FIG4: variants seen among roughly 807,000 people sequenced by gnomAD.
FIG4 encodes the protein FIG4 phosphoinositide 5-phosphatase.
FIG4 carries 112 observed loss-of-function variants against 118.6 expected under a neutral mutation model. The ratio of observed to expected loss-of-function variants is 0.94; its 90% CI spans 0.81 to 1.11. FIG4 has a LOEUF of 1.11. Among genes scored for constraint, FIG4 ranks in the 50% least tolerant of loss-of-function variants. The pLI, the probability that FIG4 is intolerant of heterozygous loss-of-function variation, is 0.00. For missense variants in FIG4, 969 were observed against 1,111.7 expected (o/e 0.87, Z 1.83); for synonymous variants, 369 against 381.2 (o/e 0.97, Z 0.37).
intron 22 of FIG4, among the ~76,000 whole-genome samples, chr6:109,819,856 G>A (rs1015735572): frequency 6.6e-6 from 1 of 152,184 alleles, no homozygotes; most frequent in African/African-American, 2.4e-5. Flanking sequence ...CTCAACAGCT[G>A]TGTGAGGTAG....
rs769687105 is a variant in FIG4 at position 109,715,091 on chromosome 6, T to C, written c.80T>C (p.Val27Ala). 3.7e-5 allele frequency: 58 copies of C among 1,582,840 alleles called. No homozygotes were observed. Among genetic ancestry groups the C allele is most frequent in the Non-Finnish European group, 4.8e-5 (55 of 1,152,132 alleles). The stretch of plus-strand genomic sequence containing the variant: ...TTTTATTTATAGAGATACTTTCTAG[T>C]TGGGAGCAATAATGCAGAAACGAAA... ...LYETRARYFL[V>A]GSNNAETKYR... Residue 27 changes from valine (V) to alanine (A), a missense_variant, in exon 2 of 23, where the codon GTT becomes GCT. Transcript: ENST00000230124.
chr6:109,721,132 G>T (rs184026795), intron 3 of FIG4, among the ~76,000 whole-genome samples: 1 of 151,984 alleles, frequency 6.6e-6, no homozygotes, highest in African/African-American at 2.4e-5. Context: ...GTATCAATAC[G>T]GTACACTGTG....
intron 17 of FIG4, chr6:109,785,681 A>G (rs1465989696): frequency 2.1e-6 from 1 of 470,896 alleles, no homozygotes; most frequent in Non-Finnish European, 4.4e-6. Flanking sequence ...GGTTCCTAGC[A>G]AGATCTCCTG....
intron 15 of FIG4, among the ~76,000 whole-genome samples, chr6:109,768,468 T>C (rs901346995): frequency 6.6e-6 from 1 of 152,156 alleles, no homozygotes; most frequent in African/African-American, 2.4e-5. Flanking sequence ...TGACTGTAAA[T>C]GTAGCAGCTT....
rs754427222 is a variant in FIG4, at chr6:109,732,620, TG to T, written c.447-16del. On this transcript the variant is annotated splice_polypyrimidine_tract_variant and intron_variant, in intron 4 of 22. Transcript: ENST00000230124. ...AGTATTGGACAAATGAAATGTACTT[TG>T]TTTTTTTTTTTTTAGGTATCTACGA... 4.8e-5 allele frequency: 51 copies of T among 1,057,518 alleles called. No homozygotes were observed. The highest frequency in any genetic ancestry group is 2.1e-4 in the Middle Eastern group (1 of 4,838). 65.5% of individuals were successfully genotyped at this position (1,057,518 alleles called of 1,614,324 possible).
chr6:109,744,443 C>A lies in FIG4; in HGVS notation c.1137+671C>A, dbSNP rs73523039. 8.0e-3 allele frequency among the ~76,000 whole-genome samples: 1,222 copies of A among 151,870 alleles called. 26 individuals are homozygous for A. Among genetic ancestry groups the A allele is most frequent in the African/African-American group, 0.026 (1,082 of 41,434 alleles). On this transcript the variant is annotated intron_variant, in intron 10 of 22. Coordinates refer to ENST00000230124, the MANE Select transcript of FIG4 (RefSeq NM_014845.6). ...TTGCAGCCAAGTGAATTGAAAGACT[C>A]TCAGTCAGAAGCCAAGAATACCCTG...
rs1326854198 is a variant in FIG4 at position 109,796,728 on chromosome 6, CCTT to C, written c.2460-33_2460-31del. On this transcript the variant is annotated intron_variant, in intron 21 of 22. Transcript: ENST00000230124. ...TCTACTGAATTAATTGCAAGTACTC[CCTT>C]CTTTAGCTGACTCTTATCCATTGTA... 9 of 1,195,232 alleles carry C rather than the reference CCTT, an allele frequency of 7.5e-6. 1 individual carries two copies. The South Asian group carries it at 9.7e-5, about 13-fold the overall frequency. The allele number at this position is 1,195,232 out of a possible 1,614,324, so 74.0% of individuals were successfully genotyped here.
Position 109,796,747 on chromosome 6 carries a change from A to G in FIG4, c.2460-18A>G. On this transcript the variant is annotated intron_variant, in intron 21 of 22. Transcript: ENST00000230124. ...GTACTCCCTTCTTTAGCTGACTCTTATCCATTGTAATTTGTAGATTTGTTC... is the reference window on the plus strand; with the variant it reads ...GTACTCCCTTCTTTAGCTGACTCTTGTCCATTGTAATTTGTAGATTTGTTC... 6.8e-7 allele frequency: 1 copy of G among 1,475,068 alleles called. No homozygotes were observed. 91.4% of individuals were successfully genotyped at this position (1,475,068 alleles called of 1,614,324 possible).
At chr6:109,753,000 T>G (rs1393126531) in intron 10 of FIG4, among the ~76,000 whole-genome samples, 1 of 152,186 alleles carries the variant, frequency 6.6e-6, no homozygotes, top group African/African-American at 2.4e-5. Flanking sequence ...TAATCCATCT[T>G]GAATTAATTT....
At chr6:109,750,318 G>T (rs1253168460) in intron 10 of FIG4, among the ~76,000 whole-genome samples, 2 of 152,182 alleles carry the variant, frequency 1.3e-5, no homozygotes, top group Non-Finnish European at 2.9e-5. Flanking sequence ...ATGCATGGCT[G>T]TTAGGGGGAT....
chr6:109,781,138 A>G (rs1777790870), intron 16 of FIG4, among the ~76,000 whole-genome samples: 1 of 152,212 alleles, frequency 6.6e-6, no homozygotes, highest in Non-Finnish European at 1.5e-5. Flanking sequence ...TTGAAGAGGC[A>G]GTTGTTTTGG....
intron 1 of FIG4, among the ~76,000 whole-genome samples, chr6:109,701,448 AG>A (rs1774904800): frequency 6.6e-6 from 1 of 152,238 alleles, no homozygotes; most frequent in African/African-American, 2.4e-5. Flanking sequence ...GTGATGACAT[AG>A]GGACCTTAGC....
rs188615607 is a variant in FIG4 at position 109,796,598 on chromosome 6, C to A, written c.2460-167C>A. 2.6e-3 allele frequency among the ~76,000 whole-genome samples: 399 copies of A among 152,290 alleles called. 1 individual carries two copies. The highest frequency in any genetic ancestry group is 9.3e-3 in the African/African-American group (385 of 41,548). ...ATCCCTTTTCCTACTTTTAACAAGC[C>A]CACTTTAAAATCAGGCAAAGTCTTA... On this transcript the variant is annotated intron_variant, in intron 21 of 22. Coordinates refer to ENST00000230124, the MANE Select transcript of FIG4 (RefSeq NM_014845.6).
chr6:109,811,942 G>A (rs900330320), intron 22 of FIG4, among the ~76,000 whole-genome samples: 22 of 152,140 alleles, frequency 1.4e-4, no homozygotes, highest in African/African-American at 4.8e-4. Flanking sequence ...AAGCTGATAT[G>A]GTTAGGCTTT....
chr6:109,759,424 AAAG>A (rs1777031019), intron 10 of FIG4, among the ~76,000 whole-genome samples: 1 of 152,198 alleles, frequency 6.6e-6, no homozygotes, highest in Admixed American at 6.5e-5. Context: ...TAAGAAAAAA[AAAG>A]AAAAAAAACT....
intron 22 of FIG4, among the ~76,000 whole-genome samples, chr6:109,800,041 G>A (rs1160630209): frequency 2.0e-5 from 3 of 152,130 alleles, no homozygotes; most frequent in Non-Finnish European, 4.4e-5. Flanking sequence ...ACCCTATAAA[G>A]TACATCTTAT....
intron 3 of FIG4, among the ~76,000 whole-genome samples, chr6:109,720,350 T>G (rs956746302): frequency 2.0e-5 from 3 of 152,362 alleles, no homozygotes; most frequent in Admixed American, 1.3e-4. Flanking sequence ...GTGAAATGAC[T>G]AGAATGGTTG....
Position 109,825,063 on chromosome 6 carries a change from C to T in FIG4, c.2547-25C>T, listed in dbSNP as rs753528465. 2.5e-6 allele frequency: 4 copies of T among 1,606,788 alleles called. No individual in the cohort carries two copies. In the South Asian group the frequency reaches 3.3e-5, roughly 13 times the overall value. On this transcript the variant is annotated intron_variant, in intron 22 of 22. Transcript: ENST00000230124. The stretch of plus-strand genomic sequence containing the variant: ...CTTCCTTATATTTTCTTTAATGCAG[C>T]CCTCTCTTTATTCATCTTTTATAGA...
At chr6:109,732,534 A>C (rs1007982017) in intron 4 of FIG4, 103 bp from the exon 5 acceptor site, 16 of 707,252 alleles carry the variant, frequency 2.3e-5, no homozygotes, top group African/African-American at 2.1e-4. Flanking sequence ...CCTCAGCTTT[A>C]ATGAGCATAT....
Sources: gnomAD v4.1 joint callset for allele counts (sites outside exome capture counted in the v4.1 genomes callset) on GRCh38, gnomAD v4.1.1 for gene constraint, MANE v1.5 for transcripts, NCBI Gene and HGNC (gene_info 2026-07-23, HGNC 2026-07-21) for gene names.